FBLN7: variants seen among roughly 807,000 people sequenced by gnomAD.
The protein encoded by FBLN7 is fibulin-7.
FBLN7 carries 31 observed loss-of-function variants against 44.0 expected under a neutral mutation model. The ratio of observed to expected loss-of-function variants is 0.70; its 90% CI spans 0.53 to 0.95. The LOEUF (loss-of-function observed/expected upper bound fraction) is 0.95. FBLN7 is among the 40% of genes least tolerant of loss of function. The probability of loss-of-function intolerance (pLI) is 0.00; values close to 1 mark genes in which losing one functional copy is unlikely to be tolerated. For synonymous variants in FBLN7, 262 were observed against 253.4 expected (o/e 1.03, Z -0.32); for missense variants, 573 against 618.5 (o/e 0.93, Z 0.78).
intron 3 of FBLN7, among the ~76,000 whole-genome samples, chr2:112,173,399 A>C (rs1682572707): frequency 6.6e-6 from 1 of 152,198 alleles, no homozygotes; most frequent in Non-Finnish European, 1.5e-5. Flanking sequence ...TGTTTAAAAG[A>C]TAAAAGCAAG....
the FBLN7 span, among the ~76,000 whole-genome samples, chr2:112,197,274 C>G: frequency 4.9e-3 from 486 of 98,634 alleles, 2 homozygotes; most frequent in East Asian, 0.029. Flanking sequence ...CACACACACA[C>G]AGAGAGAGAG....
chr2:112,167,618 C>G (rs576711234), intron 3 of FBLN7, among the ~76,000 whole-genome samples: 1 of 152,136 alleles, frequency 6.6e-6, no homozygotes, highest in African/African-American at 2.4e-5. Context: ...CTCAAAAGAC[C>G]GATCCAGTCG....
chr2:112,214,534 C>T, the FBLN7 span: 4 of 152,076 alleles, frequency 2.6e-5, no homozygotes, highest in African/African-American at 9.7e-5. Context: ...ATTTACTTCA[C>T]AGGAGGAAAC....
the FBLN7 span, among the ~76,000 whole-genome samples, chr2:112,208,734 A>G: frequency 3.3e-5 from 5 of 152,164 alleles, no homozygotes; most frequent in Non-Finnish European, 2.9e-5. Context: ...ATAGTTTTTA[A>G]TATTATCTAC....
chr2:112,217,773 A>G, the FBLN7 span, among the ~76,000 whole-genome samples: 1 of 152,160 alleles, frequency 6.6e-6, no homozygotes, highest in Non-Finnish European at 1.5e-5. Flanking sequence ...TTGATGACAA[A>G]TATTTTCAGT....
chr2:112,175,583 G>C, intron 3 of FBLN7, 131 bp from the exon 4 acceptor site: 1 of 1,179,854 alleles, frequency 8.5e-7, no homozygotes, highest in Non-Finnish European at 1.2e-6. Context: ...TGGAAAGAGT[G>C]GGTGGGGTCA....
chr2:112,160,657 C>T (rs1252767620), intron 2 of FBLN7, among the ~76,000 whole-genome samples: 1 of 142,136 alleles, frequency 7.0e-6, no homozygotes, highest in African/African-American at 2.6e-5. Flanking sequence ...CGCACGCACA[C>T]GCGCACGCAC....
chr2:112,241,370 C>G, the FBLN7 span, among the ~76,000 whole-genome samples: 1 of 152,158 alleles, frequency 6.6e-6, no homozygotes, highest in Admixed American at 6.5e-5. Context: ...CATTTGGGAG[C>G]AACCCCTACT....
chr2:112,218,838 C>G, the FBLN7 span, among the ~76,000 whole-genome samples: 1 of 152,090 alleles, frequency 6.6e-6, no homozygotes, highest in Non-Finnish European at 1.5e-5. Context: ...CTGCAGGGGT[C>G]AGTAACCCTA....
chr2:112,227,720 T>A, the FBLN7 span, among the ~76,000 whole-genome samples: 8 of 152,172 alleles, frequency 5.3e-5, no homozygotes, highest in Admixed American at 2.6e-4. Context: ...TACAATTCCA[T>A]TCAATAGCAT....
chr2:112,217,886 G>T, the FBLN7 span, among the ~76,000 whole-genome samples: 1 of 152,060 alleles, frequency 6.6e-6, no homozygotes, highest in Non-Finnish European at 1.5e-5. Context: ...TTGTTTCTTT[G>T]TTTGGGTTTG....
the FBLN7 span, chr2:112,236,533 G>C: frequency 1.2e-6 from 2 of 1,607,438 alleles, no homozygotes; most frequent in Non-Finnish European, 1.7e-6. Flanking sequence ...GCAGGGGTCA[G>C]GTATTCCTAG....
chr2:112,143,445 C>T (rs1680750328), intron 1 of FBLN7, among the ~76,000 whole-genome samples: 1 of 152,220 alleles, frequency 6.6e-6, no homozygotes, highest in South Asian at 2.1e-4. Context: ...TCAGATGTCA[C>T]AGGTCTCCAA....
chr2:112,231,427 C>A, the FBLN7 span, among the ~76,000 whole-genome samples: 1 of 152,130 alleles, frequency 6.6e-6, no homozygotes, highest in Non-Finnish European at 1.5e-5. Context: ...GAAAGAATAT[C>A]TGAAGAAAAC....
the FBLN7 span, chr2:112,238,666 C>T: frequency 5.3e-6 from 3 of 562,398 alleles, no homozygotes; most frequent in Non-Finnish European, 8.8e-6. Context: ...ATATACTATT[C>T]TCTCCACTCA....
rs771666511 is a variant in FBLN7 at position 112,159,713 on chromosome 2, G to A, written c.113G>A (p.Arg38His). 1.3e-6 allele frequency: 2 copies of A among 1,579,544 alleles called. No homozygotes were observed. The highest frequency in any genetic ancestry group is 1.8e-5 in the Admixed American group (1 of 55,550). Residue 38 changes from arginine to histidine, a missense_variant, in exon 2 of 8, where the codon CGC (arginine) becomes CAC (histidine). By Grantham distance (29) the Arg-to-His change is conservative (BLOSUM62 0). Coordinates refer to ENST00000331203, the MANE Select transcript of FBLN7 (RefSeq NM_153214.3). ...AAACAGCAGCTCCTCTCGGCCATCC[G>A]CCAGCTGCAGCAGCTGCTGAAGGGC... ...LSKQQLLSAI[R>H]QLQQLLKGQE...
chr2:112,153,090 A>G (rs911468930), intron 1 of FBLN7: 11 of 152,074 alleles, frequency 7.2e-5, no homozygotes, highest in Admixed American at 5.9e-4. Context: ...CTCTCCTCAT[A>G]TATGTGGGTG....
At chr2:112,143,063 C>G (rs1300697726) in intron 1 of FBLN7, among the ~76,000 whole-genome samples, 1 of 152,164 alleles carries the variant, frequency 6.6e-6, no homozygotes, top group African/African-American at 2.4e-5. Flanking sequence ...CATCTCTCTC[C>G]TGCTCTCCTC....
the FBLN7 span, chr2:112,230,849 C>T: frequency 6.7e-6 from 8 of 1,196,982 alleles, no homozygotes; most frequent in South Asian, 1.3e-4. Flanking sequence ...TGCATGCCAA[C>T]TTCTGGAGAT....
Sources: allele counts gnomAD v4.1 joint callset (sites outside exome capture counted in the v4.1 genomes callset), GRCh38; gene constraint gnomAD v4.1.1; transcripts MANE v1.5; gene names NCBI Gene and HGNC (gene_info 2026-07-23, HGNC 2026-07-21).